The following NXPE2 variants were observed in gnomAD, a reference collection of about 807,000 sequenced individuals.
NXPE2 encodes the protein NXPE family member 2.
In NXPE2, 34 loss-of-function variants were observed where a neutral mutation model predicts 34.4. The ratio of observed to expected loss-of-function variants is 0.99; its 90% confidence interval spans 0.75 to 1.31. The LOEUF (loss-of-function observed/expected upper bound fraction) is 1.31. Ranked by LOEUF, NXPE2 falls within the 40% of genes most tolerant of loss-of-function variation. The pLI, the probability that NXPE2 is intolerant of heterozygous loss-of-function variation, is 0.00. For synonymous variants in NXPE2, 235 were observed against 231.3 expected (o/e 1.02, Z -0.15); for missense variants, 649 against 672.5 (o/e 0.97, Z 0.39).
At chr11:114,611,786 A>T in the NXPE2 span, among the ~76,000 whole-genome samples, 9 of 152,030 alleles carry the variant, frequency 5.9e-5, no homozygotes, top group African/African-American at 2.2e-4. Flanking sequence ...TACCCGGTGG[A>T]TAATAAGTGT....
chr11:114,768,673 A>G, the NXPE2 span, among the ~76,000 whole-genome samples: 7 of 152,138 alleles, frequency 4.6e-5, no homozygotes, highest in Middle Eastern at 3.2e-3. Flanking sequence ...CTTTGTAGCA[A>G]TTGTGAATGG....
the NXPE2 span, among the ~76,000 whole-genome samples, chr11:114,518,669 G>A: frequency 6.6e-6 from 1 of 152,294 alleles, no homozygotes; most frequent in South Asian, 2.1e-4. Context: ...CACCTCAAGA[G>A]TGTCAAAAAT....
chr11:114,502,755 G>T, the NXPE2 span, among the ~76,000 whole-genome samples: 1 of 152,096 alleles, frequency 6.6e-6, no homozygotes. Context: ...TGGTTTTCTT[G>T]TGTAATTCTA....
the NXPE2 span, among the ~76,000 whole-genome samples, chr11:114,668,273 A>T: frequency 6.6e-6 from 1 of 152,024 alleles, no homozygotes. Flanking sequence ...TTCTGGAGGA[A>T]GATAAGGGAC....
At chr11:114,728,086 A>G in the NXPE2 span, among the ~76,000 whole-genome samples, 1 of 152,016 alleles carries the variant, frequency 6.6e-6, no homozygotes, top group South Asian at 2.1e-4. Flanking sequence ...CCATGTTCAA[A>G]ATCAGCAATG....
At chr11:114,721,768 A>G in the NXPE2 span, among the ~76,000 whole-genome samples, 140,850 of 152,128 alleles carry the variant, frequency 0.93, 65,231 homozygotes, top group African/African-American at 0.93. Flanking sequence ...AAGAGAGAGA[A>G]GATAAATAAT....
chr11:114,498,553 C>T, the NXPE2 span, among the ~76,000 whole-genome samples: 2 of 152,004 alleles, frequency 1.3e-5, no homozygotes, highest in Non-Finnish European at 2.9e-5. Flanking sequence ...TGCTCTTCTT[C>T]CTGAATTTAA....
chr11:114,686,494 A>G (rs1367630505), intron 2 of NXPE2, among the ~76,000 whole-genome samples: 1 of 152,116 alleles, frequency 6.6e-6, no homozygotes, highest in East Asian at 1.9e-4. Context: ...TATATGTACC[A>G]TATTTTCTTT....
chr11:114,602,918 A>G, the NXPE2 span, among the ~76,000 whole-genome samples: 1 of 149,060 alleles, frequency 6.7e-6, no homozygotes, highest in Non-Finnish European at 1.5e-5. Context: ...ATCATATATA[A>G]TAATCTAATA....
the NXPE2 span, among the ~76,000 whole-genome samples, chr11:114,516,652 A>C: frequency 0.17 from 25,715 of 152,096 alleles, 2,458 homozygotes; most frequent in African/African-American, 0.24. Flanking sequence ...CCTTAACAGA[A>C]GTGCCACATT....
chr11:114,520,411 C>G, the NXPE2 span, among the ~76,000 whole-genome samples: 5 of 152,186 alleles, frequency 3.3e-5, no homozygotes, highest in African/African-American at 1.2e-4. Context: ...GTAACGTCCT[C>G]CAGGTTCACC....
chr11:114,717,726 C>A, the NXPE2 span, among the ~76,000 whole-genome samples: 4 of 152,166 alleles, frequency 2.6e-5, no homozygotes, highest in South Asian at 2.1e-4. Context: ...CACTTCCCCC[C>A]ACTGAGAGGA....
the NXPE2 span, among the ~76,000 whole-genome samples, chr11:114,638,802 G>A: frequency 6.6e-6 from 1 of 151,996 alleles, no homozygotes; most frequent in Non-Finnish European, 1.5e-5. Context: ...CGTGAATGCT[G>A]CTGTCTGATT....
the NXPE2 span, among the ~76,000 whole-genome samples, chr11:114,758,079 A>G: frequency 7.2e-5 from 11 of 152,224 alleles, no homozygotes; most frequent in Admixed American, 6.5e-4. Flanking sequence ...CCACAGGTGT[A>G]GAAAGAGTGA....
chr11:114,483,538 T>C, the NXPE2 span, among the ~76,000 whole-genome samples: 1 of 152,240 alleles, frequency 6.6e-6, no homozygotes, highest in Non-Finnish European at 1.5e-5. Context: ...AAACACATGG[T>C]CGCTGTTCTT....
the NXPE2 span, among the ~76,000 whole-genome samples, chr11:114,789,877 T>A: frequency 6.6e-6 from 1 of 152,206 alleles, no homozygotes; most frequent in Admixed American, 6.5e-5. Flanking sequence ...AAAGCAGGGG[T>A]TGCATCTTGT....
chr11:114,671,507 C>G, the NXPE2 span, among the ~76,000 whole-genome samples: 4 of 151,880 alleles, frequency 2.6e-5, no homozygotes, highest in Non-Finnish European at 5.9e-5. Flanking sequence ...AAATGAAAGT[C>G]AAAGTCAAAT....
chr11:114,633,910 C>G, the NXPE2 span, among the ~76,000 whole-genome samples: 1 of 151,926 alleles, frequency 6.6e-6, no homozygotes, highest in African/African-American at 2.4e-5. Context: ...GTGAGTAGTG[C>G]CACAATAAAC....
At chr11:114,592,656 T>C in the NXPE2 span, among the ~76,000 whole-genome samples, 1 of 152,038 alleles carries the variant, frequency 6.6e-6, no homozygotes, top group Admixed American at 6.6e-5. Context: ...CCAATAATAT[T>C]CTTCATCGAA....
Sources: gnomAD v4.1 joint callset for allele counts (sites outside exome capture counted in the v4.1 genomes callset) on GRCh38, gnomAD v4.1.1 for gene constraint, MANE v1.5 for transcripts, NCBI Gene and HGNC (gene_info 2026-07-23, HGNC 2026-07-21) for gene names.